Variants in SDC3 observed in about 807,000 individuals in gnomAD.
The protein encoded by SDC3 is syndecan 3, also known as syndecan-3.
A neutral mutation model predicts 24.4 loss-of-function variants in SDC3; 13 were observed. The ratio of observed to expected loss-of-function variants is 0.53; its 90% CI spans 0.35 to 0.85. The LOEUF (loss-of-function observed/expected upper bound fraction) is 0.85, where lower values mean the gene tolerates loss of function less well. Among genes scored for constraint, SDC3 ranks in the 40% least tolerant of loss-of-function variants. The pLI is 0.01. For synonymous variants in SDC3, 295 were observed against 260.9 expected (o/e 1.13, Z -1.26); for missense variants, 571 against 584.5 (o/e 0.98, Z 0.24).
chr1:30,900,411 AC>A (rs1234130821), intron 1 of SDC3, among the ~76,000 whole-genome samples: 1 of 152,030 alleles, frequency 6.6e-6, no homozygotes, highest in Non-Finnish European at 1.5e-5. Flanking sequence ...AGCTGCAGAC[AC>A]CCCCCAACAA....
chr1:30,891,764 G>A (rs1021603108), intron 1 of SDC3, among the ~76,000 whole-genome samples: 2 of 151,462 alleles, frequency 1.3e-5, no homozygotes, highest in African/African-American at 4.9e-5. Flanking sequence ...GAGGCAGGAG[G>A]ATGGCTTGAA....
At chr1:30,879,525 C>T (rs1182324853) in intron 1 of SDC3, among the ~76,000 whole-genome samples, 1 of 152,154 alleles carries the variant, frequency 6.6e-6, no homozygotes, top group Non-Finnish European at 1.5e-5. Flanking sequence ...GGTGGAGGAG[C>T]TAGAACTCCC....
intron 1 of SDC3, among the ~76,000 whole-genome samples, chr1:30,902,101 C>T (rs1570030388): frequency 6.6e-6 from 1 of 152,300 alleles, no homozygotes; most frequent in East Asian, 1.9e-4. Context: ...AGCACCAAGG[C>T]CAGGGGTGGG....
chr1:30,904,411 G>A (rs982848606), intron 1 of SDC3, among the ~76,000 whole-genome samples: 1 of 151,930 alleles, frequency 6.6e-6, no homozygotes, highest in Non-Finnish European at 1.5e-5. Flanking sequence ...TGCTGCCCCG[G>A]ACCCCCCAGG....
intron 1 of SDC3, among the ~76,000 whole-genome samples, chr1:30,893,010 G>A (rs1639928362): frequency 1.3e-5 from 2 of 152,130 alleles, no homozygotes; most frequent in Admixed American, 1.3e-4. Context: ...CTCCACCAGG[G>A]AAAGGCCAGC....
intron 1 of SDC3, among the ~76,000 whole-genome samples, chr1:30,897,136 G>A (rs550949226): frequency 6.6e-6 from 1 of 152,294 alleles, no homozygotes; most frequent in Non-Finnish European, 1.5e-5. Flanking sequence ...CCTGCATTCT[G>A]GACAGAGCAG....
intron 1 of SDC3, among the ~76,000 whole-genome samples, chr1:30,883,845 A>G (rs144001592): frequency 1.5e-3 from 223 of 152,220 alleles, no homozygotes; most frequent in Middle Eastern, 6.8e-3. Context: ...CGACGTAACT[A>G]CTAGCTCCTC....
chr1:30,882,152 T>A (rs1022848843), intron 1 of SDC3, among the ~76,000 whole-genome samples: 1 of 152,062 alleles, frequency 6.6e-6, no homozygotes, highest in African/African-American at 2.4e-5. Context: ...CAGACATACA[T>A]CCCGCCTCAC....
intron 1 of SDC3, among the ~76,000 whole-genome samples, chr1:30,888,125 G>GCACT (rs1377872535): frequency 6.6e-6 from 1 of 152,214 alleles, no homozygotes; most frequent in Non-Finnish European, 1.5e-5. Flanking sequence ...CACACACTAA[G>GCACT]CACTGGACTC....
intron 1 of SDC3, among the ~76,000 whole-genome samples, chr1:30,895,360 G>A (rs1020503493): frequency 6.6e-6 from 1 of 152,172 alleles, no homozygotes; most frequent in East Asian, 1.9e-4. Flanking sequence ...ACACAGCTGA[G>A]CTCCCTCTGG....
intron 1 of SDC3, among the ~76,000 whole-genome samples, chr1:30,883,204 G>A (rs1639771853): frequency 6.6e-6 from 1 of 152,204 alleles, no homozygotes; most frequent in South Asian, 2.1e-4. Flanking sequence ...GAGAGAGGTT[G>A]GATGAAGGGG....
chr1:30,870,055 A>G lies in SDC3; in HGVS notation c.*3156T>C, dbSNP rs1639505595. ...CCTGGGGAGGCAAGTCCAGGGTTGT[A>G]GTTGTTGGGAGAAGAAATCCAGAGA... On this transcript the variant is annotated 3_prime_UTR_variant, in exon 5 of 5. Coordinates refer to ENST00000339394, the MANE Select transcript of SDC3 (RefSeq NM_014654.4). The G allele has an allele frequency of 2.5e-6, 1 of 397,252 alleles. No individual in the cohort carries two copies. The highest frequency in any genetic ancestry group is 2.1e-5 in the African/African-American group (1 of 48,588). 24.6% of individuals were successfully genotyped at this position (397,252 alleles called of 1,614,324 possible).
chr1:30,894,328 TGA>T (rs1161073961), intron 1 of SDC3, among the ~76,000 whole-genome samples: 10 of 96,630 alleles, frequency 1.0e-4, no homozygotes, highest in Non-Finnish European at 1.8e-4. Context: ...AGTGTGTGGA[TGA>T]GTGTGTGTGG....
intron 1 of SDC3, among the ~76,000 whole-genome samples, chr1:30,894,588 C>CGT (rs371809918): frequency 0.01 from 1,040 of 100,796 alleles, 17 homozygotes; most frequent in African/African-American, 0.036. Flanking sequence ...GTGTGGGCTA[C>CGT]GTGTGTGTGG....
chr1:30,877,196 G>C (rs1639661176), intron 2 of SDC3, 31 bp from the exon 3 acceptor site: 2 of 1,613,252 alleles, frequency 1.2e-6, no homozygotes, highest in Non-Finnish European at 1.7e-6. Context: ...GAGAGAGCTA[G>C]GGAGCTGGGT....
chr1:30,908,106 G>A (rs1011508755), intron 1 of SDC3, among the ~76,000 whole-genome samples: 9 of 151,936 alleles, frequency 5.9e-5, no homozygotes, highest in Non-Finnish European at 8.8e-5. Flanking sequence ...ACTGGGAGGT[G>A]GGGGAACAGG....
intron 1 of SDC3, among the ~76,000 whole-genome samples, chr1:30,885,096 T>C (rs1639808970): frequency 6.6e-6 from 1 of 152,204 alleles, no homozygotes; most frequent in Admixed American, 6.5e-5. Flanking sequence ...CAGATGGCTC[T>C]CTCAATTCCG....
intron 1 of SDC3, among the ~76,000 whole-genome samples, chr1:30,900,816 G>A (rs778717327): frequency 7.9e-5 from 12 of 152,114 alleles, no homozygotes; most frequent in Non-Finnish European, 1.3e-4. Context: ...GGATGGGGGA[G>A]GGCAGGATGG....
intron 1 of SDC3, chr1:30,879,040 G>A: frequency 3.1e-6 from 1 of 321,390 alleles, no homozygotes; most frequent in South Asian, 4.0e-5. Context: ...TAAATTCAGT[G>A]GTTCAGTAGG....
Sources: gnomAD v4.1 joint callset for allele counts (sites outside exome capture counted in the v4.1 genomes callset) on GRCh38, gnomAD v4.1.1 for gene constraint, MANE v1.5 for transcripts, NCBI Gene and HGNC (gene_info 2026-07-23, HGNC 2026-07-21) for gene names.